Variants in DAB2IP observed in about 807,000 individuals in gnomAD.
DAB2IP encodes disabled homolog 2-interacting protein.
A neutral mutation model predicts 107.2 loss-of-function variants in DAB2IP; 28 were observed. The ratio of observed to expected loss-of-function variants is 0.26; its 90% CI spans 0.19 to 0.36. The LOEUF is 0.36. Ranked by LOEUF, DAB2IP falls within the 10% of genes least tolerant of loss-of-function variation. The pLI is 1.00. For synonymous variants in DAB2IP, 755 were observed against 706.4 expected, an observed-to-expected ratio of 1.07 and a Z score of -1.09; for missense variants, 1,400 against 1,644.7, an observed-to-expected ratio of 0.85 and a Z score of 2.57.
At chr9:121,608,101 G>A (rs990901770) in intron 1 of DAB2IP, among the ~76,000 whole-genome samples, 1 of 152,228 alleles carries the variant, frequency 6.6e-6, no homozygotes, top group Non-Finnish European at 1.5e-5. Flanking sequence ...TTTCAGCCAG[G>A]ATGTGGGGAG....
intron 1 of DAB2IP, among the ~76,000 whole-genome samples, chr9:121,674,331 C>G (rs7860246): frequency 0.35 from 52,625 of 152,090 alleles, 9,926 homozygotes; most frequent in African/African-American, 0.5. Context: ...TGCACAGAGA[C>G]GTGGAGAATG....
chr9:121,783,625 C>G, exon 16 of DAB2IP: 1 of 1,559,510 alleles, frequency 6.4e-7, no homozygotes, highest in African/African-American at 1.4e-5. Flanking sequence ...GAAATAGCGG[C>G]CCTGGAGGAT....
intron 3 of DAB2IP, among the ~76,000 whole-genome samples, chr9:121,715,011 G>C (rs1402722153): frequency 1.3e-5 from 2 of 152,262 alleles, no homozygotes; most frequent in African/African-American, 4.8e-5. Flanking sequence ...AGGACTGAAG[G>C]TGGTTAAGAG....
chr9:121,644,083 G>T (rs1832451279), intron 1 of DAB2IP, among the ~76,000 whole-genome samples: 1 of 150,312 alleles, frequency 6.7e-6, no homozygotes, highest in Admixed American at 6.6e-5. Context: ...AGGCAGGAGG[G>T]TCACATGAGC....
Position 121,573,545 on chromosome 9 carries a change from C to T in DAB2IP, c.40+6317C>T, listed in dbSNP as rs556987523. Reference sequence around the variant, plus strand: ...GACTACAGGCGCGCAACACCAGGCCCGGCTAATTTTTCTGTTTTTGTAGAG... The same window carrying T: ...GACTACAGGCGCGCAACACCAGGCCTGGCTAATTTTTCTGTTTTTGTAGAG... On this transcript the variant is annotated intron_variant, in intron 1 of 16. Transcript: ENST00000259371. 2.2e-3 allele frequency among the ~76,000 whole-genome samples: 333 copies of T among 151,960 alleles called. 2 individuals are homozygous for T. Among genetic ancestry groups the T allele is most frequent in the African/African-American group, 7.6e-3 (315 of 41,378 alleles).
At chr9:121,608,819 C>T (rs560611351) in intron 1 of DAB2IP, among the ~76,000 whole-genome samples, 1 of 152,226 alleles carries the variant, frequency 6.6e-6, no homozygotes, top group Non-Finnish European at 1.5e-5. Context: ...CCTTATGGAA[C>T]CTTGCATCGT....
chr9:121,691,012 A>G (rs1829134137), intron 2 of DAB2IP, among the ~76,000 whole-genome samples: 1 of 152,104 alleles, frequency 6.6e-6, no homozygotes, highest in African/African-American at 2.4e-5. Flanking sequence ...TCCCACCTTC[A>G]ATGTTTCTAA....
In DAB2IP at chr9:121,684,153, C is replaced by T. The variant is rs1436995779; in HGVS notation, c.228+5372C>T. On this transcript the variant is annotated intron_variant, in intron 2 of 15. Coordinates refer to ENST00000408936, the Ensembl canonical transcript of DAB2IP. The surrounding 1 kb of genome is among the most constrained non-coding windows in gnomAD (Gnocchi z 4.0). ...CTTTCTGTCACACAAACTCAAGAAA[C>T]AGGCATGTGAACACAAACATGCAAG... Among the ~76,000 whole-genome samples, 1 of 152,138 alleles carries T rather than the reference C, an allele frequency of 6.6e-6. No homozygotes were observed. The highest frequency in any genetic ancestry group is 2.4e-5 in the African/African-American group (1 of 41,430).
intron 1 of DAB2IP, among the ~76,000 whole-genome samples, chr9:121,592,710 C>T (rs1022983105): frequency 1.3e-5 from 2 of 152,216 alleles, no homozygotes; most frequent in African/African-American, 2.4e-5. Flanking sequence ...TGGAAGAACT[C>T]GACAAGTGGA....
intron 1 of DAB2IP, among the ~76,000 whole-genome samples, chr9:121,596,740 A>G (rs1377655979): frequency 1.3e-5 from 2 of 152,146 alleles, no homozygotes; most frequent in African/African-American, 4.8e-5. Context: ...TATTGCAATG[A>G]GCAAGAGGTT....
chr9:121,604,336 G>A (rs1168195560), intron 1 of DAB2IP, among the ~76,000 whole-genome samples: 5 of 152,192 alleles, frequency 3.3e-5, no homozygotes, highest in African/African-American at 1.2e-4. Flanking sequence ...GGGTCCAGCT[G>A]CCTGTTTCCC....
intron 6 of DAB2IP, 48 bp from the exon 7 acceptor site, chr9:121,763,457 A>G: frequency 3.8e-6 from 6 of 1,568,544 alleles, no homozygotes; most frequent in African/African-American, 1.4e-5. Flanking sequence ...AGGGCCCTCC[A>G]TGCCAGGCCA....
intron 6 of DAB2IP, among the ~76,000 whole-genome samples, chr9:121,762,687 A>G (rs1474933301): frequency 7.1e-6 from 1 of 140,162 alleles, no homozygotes; most frequent in Non-Finnish European, 1.5e-5. Flanking sequence ...CCTGACTGTC[A>G]CCCTCCCTTG....
At chr9:121,712,463 G>A (rs939882740) in intron 3 of DAB2IP, among the ~76,000 whole-genome samples, 17 of 152,264 alleles carry the variant, frequency 1.1e-4, no homozygotes, top group African/African-American at 4.1e-4. Flanking sequence ...GTTTCTGCTT[G>A]GGGCCCTTCT....
chr9:121,692,030 T>A (rs1033258984), intron 2 of DAB2IP, among the ~76,000 whole-genome samples: 9 of 152,190 alleles, frequency 5.9e-5, no homozygotes, highest in African/African-American at 2.2e-4. Context: ...GGAGTTATCT[T>A]GGAAGCCGTT....
intron 1 of DAB2IP, among the ~76,000 whole-genome samples, chr9:121,642,021 C>CTTTCTTTCTTTCTTTCTT (rs1554718274): frequency 1.6e-4 from 2 of 12,464 alleles, no homozygotes; most frequent in African/African-American, 6.8e-4. Flanking sequence ...CTCTCTCTCT[C>CTTTCTTTCTTTCTTTCTT]TCTCTCTCTC....
chr9:121,643,929 A>G (rs961982676), intron 1 of DAB2IP, among the ~76,000 whole-genome samples: 3 of 152,212 alleles, frequency 2.0e-5, no homozygotes, highest in African/African-American at 7.2e-5. Flanking sequence ...GTGCTTTGGG[A>G]CAATAAGGTG....
Position 121,670,623 on chromosome 9 carries a change from C to T in DAB2IP, c.125-8055C>T, listed in dbSNP as rs1426877909. Among the ~76,000 whole-genome samples the T allele has an allele frequency of 2.0e-5, 3 of 152,364 alleles. No individual in the cohort carries two copies. The South Asian group carries it at 6.2e-4, about 32-fold the overall frequency. ...CCTCTGTCTGTGTCAAAGCTGGCAA[C>T]AGCAGATGGAGTTCCTCTCAGGCTT... On this transcript the variant is annotated intron_variant, in intron 1 of 15. Coordinates refer to ENST00000408936, the Ensembl canonical transcript of DAB2IP.
intron 1 of DAB2IP, among the ~76,000 whole-genome samples, chr9:121,612,967 A>AG (rs1319706087): frequency 1.3e-5 from 2 of 152,070 alleles, no homozygotes; most frequent in Non-Finnish European, 2.9e-5. Flanking sequence ...AGGTGTGGGG[A>AG]GGGGGGATGT....
Sources: allele counts gnomAD v4.1 joint callset (sites outside exome capture counted in the v4.1 genomes callset), GRCh38; gene constraint gnomAD v4.1.1; non-coding constraint Gnocchi (gnomAD v3.1); transcripts MANE v1.5; gene names NCBI Gene and HGNC (gene_info 2026-07-23, HGNC 2026-07-21).